POFUT3: variants seen among roughly 807,000 people sequenced by gnomAD.
POFUT3 encodes the protein GDP-fucose protein O-fucosyltransferase 3.
the POFUT3 span, among the ~76,000 whole-genome samples, chr8:33,351,890 T>C: frequency 6.6e-6 from 1 of 152,198 alleles, no homozygotes; most frequent in African/African-American, 2.4e-5. Context: ...GACAGAATTA[T>C]ATCATTTTAA....
chr8:33,394,672 TAA>T, the POFUT3 span, among the ~76,000 whole-genome samples: 1 of 139,772 alleles, frequency 7.2e-6, no homozygotes, highest in Non-Finnish European at 1.6e-5. Context: ...TCTTAAAAAT[TAA>T]AAAAAAAAAA....
chr8:33,330,136 G>T, the POFUT3 span, among the ~76,000 whole-genome samples: 1 of 152,146 alleles, frequency 6.6e-6, no homozygotes, highest in Admixed American at 6.6e-5. Context: ...ATATGGGGTT[G>T]ACAAAGATAA....
the POFUT3 span, among the ~76,000 whole-genome samples, chr8:33,308,678 CTA>C: frequency 6.6e-6 from 1 of 152,178 alleles, no homozygotes; most frequent in Non-Finnish European, 1.5e-5. Flanking sequence ...GTATTTCAAT[CTA>C]TTCCTATACA....
the POFUT3 span, among the ~76,000 whole-genome samples, chr8:33,325,893 G>T: frequency 6.6e-6 from 1 of 152,170 alleles, no homozygotes; most frequent in African/African-American, 2.4e-5. Context: ...TCTCCCAGAA[G>T]GGTTCCACTA....
At chr8:33,435,640 T>C in the POFUT3 span, among the ~76,000 whole-genome samples, 2 of 151,654 alleles carry the variant, frequency 1.3e-5, no homozygotes, top group African/African-American at 4.8e-5. Context: ...CTCGGCTACC[T>C]GAGTAGATGG....
chr8:33,359,196 T>C, the POFUT3 span, among the ~76,000 whole-genome samples: 2 of 152,212 alleles, frequency 1.3e-5, no homozygotes, highest in African/African-American at 4.8e-5. Flanking sequence ...TTGGTGAATC[T>C]AACTGAAGAA....
the POFUT3 span, among the ~76,000 whole-genome samples, chr8:33,401,778 C>T: frequency 1.3e-5 from 2 of 152,018 alleles, no homozygotes; most frequent in African/African-American, 4.8e-5. Flanking sequence ...CTGTAATCCA[C>T]ACACTTTGGG....
chr8:33,462,686 T>C, the POFUT3 span, among the ~76,000 whole-genome samples: 1 of 152,108 alleles, frequency 6.6e-6, no homozygotes. Flanking sequence ...TCACAGCACT[T>C]TGGGAGGCCA....
chr8:33,436,444 C>T, the POFUT3 span: 1 of 1,441,076 alleles, frequency 6.9e-7, no homozygotes, highest in Non-Finnish European at 9.7e-7. Context: ...ACAGGTGGGA[C>T]TGATGTTGCC....
chr8:33,404,415 TG>T, the POFUT3 span, among the ~76,000 whole-genome samples: 1 of 150,902 alleles, frequency 6.6e-6, no homozygotes, highest in African/African-American at 2.4e-5. Flanking sequence ...TTTGGGAGTG[TG>T]GGATGTGCTT....
At chr8:33,457,989 T>C in the POFUT3 span, among the ~76,000 whole-genome samples, 1 of 152,142 alleles carries the variant, frequency 6.6e-6, no homozygotes, top group East Asian at 1.9e-4. Flanking sequence ...CCAAAAAAAT[T>C]CATAAGTTGA....
chr8:33,393,352 C>T, the POFUT3 span, among the ~76,000 whole-genome samples: 4 of 152,300 alleles, frequency 2.6e-5, no homozygotes, highest in South Asian at 2.1e-4. Flanking sequence ...TTCTGACAAA[C>T]GTATTCGTTC....
the POFUT3 span, chr8:33,389,025 T>C: frequency 6.2e-6 from 10 of 1,614,082 alleles, no homozygotes; most frequent in Non-Finnish European, 8.5e-6. Flanking sequence ...AATGCATCGA[T>C]GTAATTGTCC....
At chr8:33,362,708 CAAG>C in the POFUT3 span, among the ~76,000 whole-genome samples, 7 of 152,082 alleles carry the variant, frequency 4.6e-5, no homozygotes, top group Non-Finnish European at 8.8e-5. Flanking sequence ...ATCAATTCAA[CAAG>C]AAGAGCTGAC....
the POFUT3 span, among the ~76,000 whole-genome samples, chr8:33,355,923 T>C: frequency 6.6e-6 from 1 of 152,186 alleles, no homozygotes; most frequent in Non-Finnish European, 1.5e-5. Context: ...TATGTGGTGT[T>C]TGGATTTTTG....
the POFUT3 span, among the ~76,000 whole-genome samples, chr8:33,352,518 ATTCT>A: frequency 1.3e-5 from 2 of 152,212 alleles, no homozygotes; most frequent in African/African-American, 4.8e-5. Flanking sequence ...TTTATTTTTG[ATTCT>A]TTTTTTTTAA....
At chr8:33,373,490 T>C in the POFUT3 span, among the ~76,000 whole-genome samples, 4 of 152,172 alleles carry the variant, frequency 2.6e-5, no homozygotes, top group African/African-American at 7.2e-5. Flanking sequence ...GCAATGAGCT[T>C]GGTCCACGCT....
the POFUT3 span, among the ~76,000 whole-genome samples, chr8:33,379,980 CTATATATATAG>C: frequency 6.4e-3 from 509 of 79,868 alleles, 26 homozygotes; most frequent in South Asian, 8.0e-3. Flanking sequence ...TATATACACT[CTATATATATAG>C]TATATATATA....
At chr8:33,426,392 C>T in the POFUT3 span, among the ~76,000 whole-genome samples, 159 of 152,192 alleles carry the variant, frequency 1.0e-3, 1 homozygote, top group African/African-American at 3.5e-3. Flanking sequence ...ATGAGGCTCA[C>T]GGTGATCTTG....
Sources: allele counts gnomAD v4.1 joint callset (sites outside exome capture counted in the v4.1 genomes callset), GRCh38; gene constraint gnomAD v4.1.1; transcripts MANE v1.5; gene names NCBI Gene and HGNC (gene_info 2026-07-23, HGNC 2026-07-21).